The following APAF1 variants were observed in gnomAD, a reference collection of about 807,000 sequenced individuals.
The protein encoded by APAF1 is apoptotic peptidase activating factor 1.
APAF1 carries 91 observed loss-of-function variants against 152.4 expected under a neutral mutation model. The ratio of observed to expected loss-of-function variants is 0.60; its 90% CI spans 0.50 to 0.71. APAF1 has a LOEUF of 0.71. Ranked by LOEUF, APAF1 falls within the 30% of genes least tolerant of loss-of-function variation. The probability of loss-of-function intolerance (pLI) is 0.00; values close to 1 mark genes in which losing one functional copy is unlikely to be tolerated. For synonymous variants in APAF1, 484 were observed against 494.1 expected (o/e 0.98, Z 0.27); for missense variants, 1,283 against 1,472.0 (o/e 0.87, Z 2.10).
intron 16 of APAF1, among the ~76,000 whole-genome samples, chr12:98,692,566 C>A (rs1383877124): frequency 1.3e-5 from 2 of 152,100 alleles, no homozygotes; most frequent in African/African-American, 4.8e-5. Context: ...CTCTAGTAGT[C>A]CCCAGCATTT....
chr12:98,649,357 C>G, intron 3 of APAF1, 130 bp from the exon 4 acceptor site: 1 of 1,321,112 alleles, frequency 7.6e-7, no homozygotes. Context: ...AATATGCTAG[C>G]CACATTTTCT....
chr12:98,725,686 T>C, intron 25 of APAF1, 146 bp downstream of exon 25: 2 of 1,063,470 alleles, frequency 1.9e-6, no homozygotes, highest in South Asian at 2.5e-5. Context: ...CTTGTGCACA[T>C]TGTATTCACA....
chr12:98,649,127 T>G, intron 3 of APAF1: 1 of 725,872 alleles, frequency 1.4e-6, no homozygotes. Flanking sequence ...TAGGAAAAAA[T>G]AAGAATCTTT....
intron 17 of APAF1, 140 bp from the exon 18 acceptor site, chr12:98,703,231 T>C: frequency 1.1e-6 from 1 of 873,276 alleles, no homozygotes; most frequent in Non-Finnish European, 1.8e-6. Context: ...CCATATTTTG[T>C]TTATGACTGT....
rs1358771338 is a variant in APAF1, at chr12:98,703,402, G to C, written c.2498G>C (p.Gly833Ala). Residue 833 changes from glycine (G) to alanine (A), a missense_variant, in exon 18 of 27, where the codon GGA (glycine) becomes GCA (alanine). Coordinates refer to ENST00000551964, the MANE Select transcript of APAF1 (RefSeq NM_181861.2). ...GACATTCATACTAGTGGCCTATTGG[G>C]AGAAATCCACACGGGCCATCACAGC... is the stretch of plus-strand genomic sequence containing the variant. ...LFDIHTSGLL[G>A]EIHTGHHSTI... 10 of 1,614,054 alleles carry C rather than the reference G, an allele frequency of 6.2e-6. No individual in the cohort carries two copies. The highest frequency in any genetic ancestry group is 1.3e-5 in the African/African-American group (1 of 75,010).
chr12:98,720,748 G>A (rs1211929321), intron 22 of APAF1, among the ~76,000 whole-genome samples: 1 of 152,112 alleles, frequency 6.6e-6, no homozygotes, highest in Non-Finnish European at 1.5e-5. Context: ...GGCGGATCAC[G>A]AGGTCAGGAG....
chr12:98,678,059 T>G (rs2153322833), intron 13 of APAF1, among the ~76,000 whole-genome samples: 1 of 152,352 alleles, frequency 6.6e-6, no homozygotes, highest in African/African-American at 2.4e-5. Flanking sequence ...TGCCTTTTGA[T>G]TTTGCAGAGA....
intron 4 of APAF1, among the ~76,000 whole-genome samples, chr12:98,658,818 G>A (rs750148711): frequency 6.6e-6 from 1 of 152,160 alleles, no homozygotes; most frequent in African/African-American, 2.4e-5. Context: ...TTACAACAAA[G>A]AATTGCCATC....
intron 14 of APAF1, among the ~76,000 whole-genome samples, chr12:98,682,834 A>G (rs1367019410): frequency 2.6e-5 from 4 of 152,192 alleles, no homozygotes; most frequent in Admixed American, 1.3e-4. Flanking sequence ...TCTTTAAAGC[A>G]CTTCTCTGCC....
chr12:98,703,090 C>T (rs905038391), intron 17 of APAF1, among the ~76,000 whole-genome samples: 1 of 152,024 alleles, frequency 6.6e-6, no homozygotes, highest in Non-Finnish European at 1.5e-5. Context: ...TTAATTGGGC[C>T]AGTCTATTCA....
chr12:98,694,117 A>G (rs1027297417), intron 16 of APAF1, among the ~76,000 whole-genome samples: 2 of 152,210 alleles, frequency 1.3e-5, no homozygotes, highest in Non-Finnish European at 2.9e-5. Context: ...TACCACATGT[A>G]AAAATTAAAG....
Position 98,656,206 on chromosome 12 carries a change from G to A in APAF1, c.527-2954G>A, listed in dbSNP as rs144825559. Among the ~76,000 whole-genome samples, 978 of 152,288 alleles carry A rather than the reference G, an allele frequency of 6.4e-3. 4 individuals are homozygous for A. The highest frequency in any genetic ancestry group is 0.011 in the Non-Finnish European group (733 of 68,034). ...GCCTCCCAAAGTGCTGGGAGCCACC[G>A]TGCCAGGCTCTAAATTCTAAATCTT... is the stretch of plus-strand genomic sequence containing the variant. On this transcript the variant is annotated intron_variant, in intron 4 of 26. Transcript: ENST00000551964.
intron 5 of APAF1, among the ~76,000 whole-genome samples, chr12:98,661,933 A>G (rs1456055885): frequency 1.3e-5 from 2 of 152,090 alleles, no homozygotes; most frequent in African/African-American, 4.8e-5. Flanking sequence ...CTATGAATAA[A>G]CAAATTGATT....
chr12:98,657,896 T>C (rs1342448590), intron 4 of APAF1, among the ~76,000 whole-genome samples: 1 of 152,190 alleles, frequency 6.6e-6, no homozygotes, highest in African/African-American at 2.4e-5. Flanking sequence ...AGAGAACTCT[T>C]AGAATAGTGC....
chr12:98,668,384 T>C (rs144204135), intron 10 of APAF1, among the ~76,000 whole-genome samples: 14 of 152,322 alleles, frequency 9.2e-5, no homozygotes, highest in African/African-American at 3.1e-4. Flanking sequence ...AGTGGAAAAG[T>C]ATATTCATTG....
chr12:98,662,493 G>A lies in APAF1; in HGVS notation c.748G>A (p.Val250Met). The A allele has an allele frequency of 6.2e-7, 1 of 1,613,412 alleles. No homozygotes were observed. The highest frequency in any genetic ancestry group is 8.5e-7 in the Non-Finnish European group (1 of 1,179,702). Residue 250 changes from valine (V) to methionine (M), a missense_variant, in exon 6 of 27, where the codon GTG (valine) becomes ATG (methionine). By Grantham distance (21) the Val-to-Met change is conservative (BLOSUM62 1). Coordinates refer to ENST00000551964, the MANE Select transcript of APAF1 (RefSeq NM_181861.2). The part of the protein sequence containing the change: ...LILDDVWDSW[V>M]LKAFDSQCQI... ...CTTGGATGATGTTTGGGACTCTTGGGTGTTGAAAGCTTTTGACAGTCAGTG... is the reference window on the plus strand; with the variant it reads ...CTTGGATGATGTTTGGGACTCTTGGATGTTGAAAGCTTTTGACAGTCAGTG...
intron 4 of APAF1, among the ~76,000 whole-genome samples, chr12:98,658,604 T>C (rs1033276206): frequency 6.6e-6 from 1 of 152,168 alleles, no homozygotes; most frequent in Non-Finnish European, 1.5e-5. Context: ...TAAGTCTGTA[T>C]AAGAAAACCA....
chr12:98,722,876 C>A (rs1185343526), intron 22 of APAF1, among the ~76,000 whole-genome samples: 1 of 151,142 alleles, frequency 6.6e-6, no homozygotes, highest in African/African-American at 2.4e-5. Context: ...AAAATTTAAT[C>A]AGATGGTGAG....
rs2097679257 is a variant in APAF1, at chr12:98,670,874, T to TA, written c.1495-98dup. 8 of 732,406 alleles carry TA rather than the reference T, an allele frequency of 1.1e-5. No individual in the cohort carries two copies. The Middle Eastern group carries it at 1.4e-3, about 128-fold the overall frequency. 45.4% of individuals were successfully genotyped at this position (732,406 alleles called of 1,614,324 possible). ...GCTTTTGCATCCTTTAAATTCTAGA[T>TA]ATTTACTGTTTCTCTTAGCAGTGTG... On this transcript the variant is annotated intron_variant, in intron 10 of 26. Coordinates refer to ENST00000551964, the MANE Select transcript of APAF1 (RefSeq NM_181861.2).
Sources: gnomAD v4.1 joint callset for allele counts (sites outside exome capture counted in the v4.1 genomes callset) on GRCh38, gnomAD v4.1.1 for gene constraint, MANE v1.5 for transcripts, NCBI Gene and HGNC (gene_info 2026-07-23, HGNC 2026-07-21) for gene names.